The following C2CD3 variants were observed in gnomAD, a reference collection of about 807,000 sequenced individuals.
C2CD3 encodes C2 domain containing 3 centriole elongation regulator.
In C2CD3, 148 loss-of-function variants were observed where a neutral mutation model predicts 234.0. The observed-to-expected ratio is 0.63, with a 90% confidence interval of 0.55 to 0.72. The LOEUF (loss-of-function observed/expected upper bound fraction) is 0.72. Among genes scored for constraint, C2CD3 ranks in the 30% least tolerant of loss-of-function variants. The probability of loss-of-function intolerance (pLI) is 0.00; values close to 1 mark genes in which losing one functional copy is unlikely to be tolerated. For missense variants in C2CD3, 2,577 were observed against 2,811.5 expected, an observed-to-expected ratio of 0.92 and a Z score of 1.89; for synonymous variants, 1,000 against 1,035.4, an observed-to-expected ratio of 0.97 and a Z score of 0.66.
At chr11:74,047,980 T>G (rs923728730) in intron 28 of C2CD3, among the ~76,000 whole-genome samples, 1 of 152,226 alleles carries the variant, frequency 6.6e-6, no homozygotes. Flanking sequence ...ACTTGTCCCT[T>G]GTACTGAAGT....
In C2CD3 at chr11:74,126,844, C is replaced by T. The variant is rs61901239; in HGVS notation, c.1218-3709G>A. On this transcript the variant is annotated intron_variant, in intron 7 of 32. Transcript: ENST00000334126. ...CAACCATCACCACTCAATTTTAAAA[C>T]ATTTTCATCATCTCAAAAAGAAACT... 3.1e-3 allele frequency among the ~76,000 whole-genome samples: 468 copies of T among 152,286 alleles called. 1 individual carries two copies. The highest frequency in any genetic ancestry group is 5.0e-3 in the Non-Finnish European group (339 of 68,016).
chr11:74,042,084 G>C lies in C2CD3; in HGVS notation c.5630C>G (p.Ser1877Cys). ...CDDKLTTSPL[S>C]SQTSILTSLR... ...AGAAGTCAGAATGGAGGTTTGGGAG[G>C]ACAAAGGTGATGTGGTCAGTTTGTC... Residue 1877 changes from serine to cysteine, a missense_variant, in exon 29 of 33, where the codon TCC becomes TGC. Transcript: ENST00000334126. 6.2e-7 allele frequency: 1 copy of C among 1,614,046 alleles called. No individual in the cohort carries two copies. The highest frequency in any genetic ancestry group is 8.5e-7 in the Non-Finnish European group (1 of 1,179,984).
rs1053015048 is a variant in C2CD3, at chr11:74,103,283, T to C, written c.2428A>G (p.Met810Val). ...ESALLLHVLL[M>V]VPDGKDFISG... ...ATAAAATCTTTCCCATCTGGCACCA[T>C]CAACAGCACATGCAACAGCAAAGCA... Residue 810 changes from methionine to valine, a missense_variant, in exon 14 of 33, where the codon ATG becomes GTG. Met to Val is a conservative substitution (Grantham distance 21, BLOSUM62 1). Transcript: ENST00000334126. The C allele has an allele frequency of 6.8e-6, 11 of 1,614,210 alleles. No individual in the cohort carries two copies. The highest frequency in any genetic ancestry group is 1.6e-4 in the Middle Eastern group (1 of 6,062).
At chr11:74,113,700 A>T in intron 11 of C2CD3, 80 bp downstream of exon 11, 1 of 818,822 alleles carries the variant, frequency 1.2e-6, no homozygotes, top group African/African-American at 1.7e-5. Context: ...AAAAAAAAAA[A>T]GTCAAATGAG....
intron 26 of C2CD3, among the ~76,000 whole-genome samples, chr11:74,054,010 C>T (rs1245851048): frequency 2.6e-5 from 4 of 151,918 alleles, no homozygotes; most frequent in Non-Finnish European, 5.9e-5. Context: ...CGGTGGCTCA[C>T]GCCTGTAATC....
At chr11:74,017,116 A>G (rs1951908801) in intron 32 of C2CD3, among the ~76,000 whole-genome samples, 1 of 152,224 alleles carries the variant, frequency 6.6e-6, no homozygotes, top group East Asian at 1.9e-4. Context: ...TATGGAGAAC[A>G]GCCAAGACAA....
intron 9 of C2CD3, among the ~76,000 whole-genome samples, chr11:74,116,825 TAC>T (rs1326111258): frequency 3.6e-5 from 5 of 137,506 alleles, no homozygotes; most frequent in Admixed American, 2.2e-4. Context: ...CACACATATA[TAC>T]GTGTGTGTAT....
chr11:74,150,184 A>G (rs1855502506), intron 3 of C2CD3, among the ~76,000 whole-genome samples: 1 of 152,030 alleles, frequency 6.6e-6, no homozygotes, highest in South Asian at 2.1e-4. Flanking sequence ...ATATCAAGAA[A>G]AATGTTTCTG....
intron 16 of C2CD3, among the ~76,000 whole-genome samples, chr11:74,096,304 G>T (rs1040603573): frequency 6.6e-6 from 1 of 152,134 alleles, no homozygotes; most frequent in African/African-American, 2.4e-5. Flanking sequence ...TCAGAAAAGA[G>T]TTGAGACTAT....
chr11:74,057,142 T>C (rs985820289), intron 25 of C2CD3, among the ~76,000 whole-genome samples: 2 of 152,200 alleles, frequency 1.3e-5, no homozygotes, highest in Non-Finnish European at 2.9e-5. Context: ...TTAATAATCT[T>C]TAATTCCAAG....
rs929121582 is a variant in C2CD3 at position 74,150,653 on chromosome 11, T to TCCAAGCC, written c.483+10739_483+10745dup. ...CTAATCATGTTTCATTTATACCTTT[T>TCCAAGCC]CCAAGCCCTGCTTTGTTACTGGATT... On this transcript the variant is annotated intron_variant, in intron 3 of 32. Coordinates refer to ENST00000334126, the MANE Select transcript of C2CD3 (RefSeq NM_001286577.2). Among the ~76,000 whole-genome samples, 4 of 152,010 alleles carry TCCAAGCC rather than the reference T, an allele frequency of 2.6e-5. 1 individual carries two copies.
At chr11:74,049,563 C>G (rs1259968493) in intron 26 of C2CD3, 21 bp from the exon 27 acceptor site, 1 of 1,600,784 alleles carries the variant, frequency 6.2e-7, no homozygotes, top group South Asian at 1.1e-5. Context: ...AAGAGAAGAG[C>G]TGGGCAATGT....
chr11:74,042,011 G>A, intron 29 of C2CD3, 43 bp downstream of exon 29: 1 of 1,594,118 alleles, frequency 6.3e-7, no homozygotes, highest in Non-Finnish European at 8.6e-7. Flanking sequence ...TTCACCTTGT[G>A]CCCCACTATG....
chr11:74,056,314 C>T (rs1953947140), intron 25 of C2CD3, among the ~76,000 whole-genome samples: 1 of 152,212 alleles, frequency 6.6e-6, no homozygotes, highest in Non-Finnish European at 1.5e-5. Flanking sequence ...AACATTGCAT[C>T]ACATTTAATA....
intron 26 of C2CD3, among the ~76,000 whole-genome samples, chr11:74,050,183 A>G (rs1953609264): frequency 6.6e-6 from 1 of 152,188 alleles, no homozygotes; most frequent in Non-Finnish European, 1.5e-5. Flanking sequence ...TATGTCTTGC[A>G]ATTATGGAAT....
At chr11:74,038,702 T>C (rs1049352490) in intron 29 of C2CD3, among the ~76,000 whole-genome samples, 2 of 152,234 alleles carry the variant, frequency 1.3e-5, no homozygotes, top group African/African-American at 4.8e-5. Flanking sequence ...ATTTCTTCTT[T>C]TCAAAGTCCA....
At position 74,114,499 on chromosome 11, in the gene C2CD3, G is replaced by A. The variant is rs772943189; in HGVS notation, c.1615C>T (p.His539Tyr). 18 of 1,613,522 alleles carry A rather than the reference G, an allele frequency of 1.1e-5. No individual in the cohort carries two copies. The Admixed American group carries it at 2.8e-4, about 25-fold the overall frequency. The change falls in exon 10 of 33, where the codon CAT becomes TAT. Residue 539 changes from histidine to tyrosine, a missense_variant. Physicochemically the swap from His to Tyr is moderately conservative, Grantham distance 83. Coordinates refer to ENST00000334126, the MANE Select transcript of C2CD3 (RefSeq NM_001286577.2). Reference protein sequence around the residue: ...VDRLALLGRTHSVRIIIETMG... With the variant: ...VDRLALLGRTYSVRIIIETMG... ...GTTTCGATGATGATTCTGACTGAAT[G>A]TGTTCTACCCAAAAGGGCCAGTCTA...
Position 74,123,101 on chromosome 11 carries a change from G to C in C2CD3, c.1252C>G (p.Leu418Val). ...GATGGGGAATCTGGAGGAGAGCCTA[G>C]CCCATCCCAGAAATTGCCTTGGGAT... is the stretch of plus-strand genomic sequence containing the variant. ...ELSQGNFWDG[L>V]GSPPDSPSPG... The change falls in exon 8 of 33, where the codon CTA becomes GTA. Residue 418 changes from leucine to valine, a missense_variant. Physicochemically the swap from Leu to Val is conservative, Grantham distance 32 (BLOSUM62 1). Coordinates refer to ENST00000334126, the MANE Select transcript of C2CD3 (RefSeq NM_001286577.2). 1 of 1,612,748 alleles carries C rather than the reference G, an allele frequency of 6.2e-7. No homozygotes were observed. Among genetic ancestry groups the C allele is most frequent in the Middle Eastern group, 1.7e-4 (1 of 6,056 alleles).
intron 7 of C2CD3, among the ~76,000 whole-genome samples, chr11:74,125,214 G>A (rs1590876078): frequency 1.3e-5 from 2 of 152,098 alleles, no homozygotes; most frequent in Non-Finnish European, 2.9e-5. Flanking sequence ...GCCCAGCCTG[G>A]AGTGCACTGG....
Sources: gnomAD v4.1 joint callset for allele counts (sites outside exome capture counted in the v4.1 genomes callset) on GRCh38, gnomAD v4.1.1 for gene constraint, MANE v1.5 for transcripts, NCBI Gene and HGNC (gene_info 2026-07-23, HGNC 2026-07-21) for gene names.